The following GSG1L variants were observed in gnomAD, a reference collection of about 807,000 sequenced individuals.
The protein encoded by GSG1L is germ cell-specific gene 1-like protein.
In GSG1L, 24 loss-of-function variants were observed where a neutral mutation model predicts 42.1. That is an observed-to-expected ratio of 0.57 (90% CI 0.41 to 0.80). The LOEUF is 0.80. Among genes scored for constraint, GSG1L ranks in the 30% least tolerant of loss-of-function variants. The probability of loss-of-function intolerance (pLI) is 0.00; values close to 1 mark genes in which losing one functional copy is unlikely to be tolerated. For synonymous variants in GSG1L, 215 were observed against 203.5 expected (o/e 1.06, Z -0.48); for missense variants, 445 against 472.2 (o/e 0.94, Z 0.53).
In GSG1L at chr16:27,789,088, T is replaced by C. The variant is rs1318433984; in HGVS notation, c.*2282A>G. 2 of 151,954 alleles carry C rather than the reference T, an allele frequency of 1.3e-5. No individual in the cohort carries two copies. The allele number at this position is 151,954 out of a possible 1,614,324, so 9.4% of individuals were successfully genotyped here. A position where few individuals can be genotyped will look rare whatever the true frequency, so the allele number is the denominator to read the frequency against. The stretch of plus-strand genomic sequence containing the variant: ...CACATGGAAGGAGGATGGATGGAAG[T>C]CTGATACAAGGAAGGATGACAAGCA... On this transcript the variant is annotated 3_prime_UTR_variant, in exon 7 of 7. Transcript: ENST00000447459.
chr16:28,054,726 T>TTC (rs1279220209), intron 1 of GSG1L, among the ~76,000 whole-genome samples: 1 of 151,970 alleles, frequency 6.6e-6, no homozygotes, highest in Admixed American at 6.6e-5. Context: ...CTCAATCCTG[T>TTC]CAAGAGCAAA....
chr16:27,997,301 G>A (rs904287950), intron 1 of GSG1L, among the ~76,000 whole-genome samples: 2 of 128,368 alleles, frequency 1.6e-5, no homozygotes, highest in African/African-American at 5.7e-5. Flanking sequence ...GCTGGGAAGT[G>A]TTCTCCACTT....
intron 6 of GSG1L, among the ~76,000 whole-genome samples, chr16:27,803,600 T>A (rs930135977): frequency 1.3e-5 from 2 of 151,672 alleles, no homozygotes; most frequent in Admixed American, 6.6e-5. Flanking sequence ...CAGCAGAGGG[T>A]CCTTGAGCTA....
At chr16:27,911,448 A>C (rs963671358) in intron 2 of GSG1L, among the ~76,000 whole-genome samples, 2 of 151,774 alleles carry the variant, frequency 1.3e-5, no homozygotes, top group Non-Finnish European at 2.9e-5. Context: ...CCGCCACCAC[A>C]CCCTGCTGAT....
chr16:28,060,275 CA>C (rs781633325), intron 1 of GSG1L, among the ~76,000 whole-genome samples: 230 of 152,108 alleles, frequency 1.5e-3, no homozygotes, highest in South Asian at 3.5e-3. Flanking sequence ...GTCATGGCAA[CA>C]AAAGTTTGAG....
chr16:28,007,500 TTGGTTGGTTGGTTGG>T (rs557039226), intron 1 of GSG1L, among the ~76,000 whole-genome samples: 4,542 of 96,398 alleles, frequency 0.047, 160 homozygotes, highest in African/African-American at 0.19. Context: ...GGTTGGTTGG[TTGGTTGGTTGGTTGG>T]TGGTTGGTTG....
chr16:27,914,824 C>T (rs1400281211), intron 2 of GSG1L, among the ~76,000 whole-genome samples: 1 of 152,096 alleles, frequency 6.6e-6, no homozygotes. Flanking sequence ...GCTGATAGGT[C>T]AATCCTGCAT....
chr16:27,822,307 G>A (rs115767161), intron 5 of GSG1L, among the ~76,000 whole-genome samples: 2,236 of 152,238 alleles, frequency 0.015, 46 homozygotes, highest in African/African-American at 0.049. Flanking sequence ...TTCTTCAGGC[G>A]TTCCACAAGG....
intron 2 of GSG1L, among the ~76,000 whole-genome samples, chr16:27,914,697 AG>A (rs1299335387): frequency 6.6e-6 from 1 of 151,922 alleles, no homozygotes; most frequent in Non-Finnish European, 1.5e-5. Flanking sequence ...ATAATTTAGG[AG>A]GAATTTTGAA....
Position 28,002,806 on chromosome 16 carries a change from G to A in GSG1L, c.350-39603C>T, listed in dbSNP as rs548845143. On this transcript the variant is annotated intron_variant, in intron 1 of 6. Coordinates refer to ENST00000447459, the MANE Select transcript of GSG1L (RefSeq NM_001109763.2). ...AAAAAAATTAGCCAGGAGTGGTGGCGGGCGCCTGTAGTCCCAGCTACTCGG... is the reference window on the plus strand; with the variant it reads ...AAAAAAATTAGCCAGGAGTGGTGGCAGGCGCCTGTAGTCCCAGCTACTCGG... Among the ~76,000 whole-genome samples, 49 of 149,782 alleles carry A rather than the reference G, an allele frequency of 3.3e-4. No individual in the cohort carries two copies. The East Asian group carries it at 8.0e-3, about 25-fold the overall frequency.
chr16:27,947,390 A>AAGAAAGAAAGAG (rs1567530544), intron 2 of GSG1L, among the ~76,000 whole-genome samples: 1 of 94,010 alleles, frequency 1.1e-5, no homozygotes, highest in Non-Finnish European at 2.2e-5. Context: ...AAGAAAAAGA[A>AAGAAAGAAAGAG]AGAAAGAAAG....
chr16:28,028,683 C>T (rs1308881108), intron 1 of GSG1L, among the ~76,000 whole-genome samples: 1 of 152,076 alleles, frequency 6.6e-6, no homozygotes, highest in Non-Finnish European at 1.5e-5. Context: ...CAGCTTGGTG[C>T]TGATATGTTG....
intron 6 of GSG1L, among the ~76,000 whole-genome samples, chr16:27,793,497 T>TG (rs2082778292): frequency 6.6e-6 from 1 of 151,820 alleles, no homozygotes; most frequent in South Asian, 2.1e-4. Flanking sequence ...TGTTTTGTTT[T>TG]TTTAATCTAG....
intron 2 of GSG1L, among the ~76,000 whole-genome samples, chr16:27,951,727 G>A (rs1463926157): frequency 6.6e-6 from 1 of 152,154 alleles, no homozygotes; most frequent in South Asian, 2.1e-4. Context: ...TCCCCTCTCT[G>A]CTCAGCATGC....
At position 28,032,560 on chromosome 16, in the gene GSG1L, G is replaced by A. The variant is rs139367318; in HGVS notation, c.349+30516C>T. On this transcript the variant is annotated intron_variant, in intron 1 of 6. Transcript: ENST00000447459. The stretch of plus-strand genomic sequence containing the variant: ...CTGAGATGTATTTTGTTCTCTCCCT[G>A]TCTACTTGACATTGCCTCTGGGCTG... Among the ~76,000 whole-genome samples the A allele has an allele frequency of 3.8e-3, 577 of 152,248 alleles. 3 individuals carry two copies. The highest frequency in any genetic ancestry group is 0.013 in the African/African-American group (553 of 41,528).
chr16:28,014,203 T>A (rs1441361034), intron 1 of GSG1L, among the ~76,000 whole-genome samples: 1 of 152,200 alleles, frequency 6.6e-6, no homozygotes, highest in African/African-American at 2.4e-5. Context: ...GAAGACTTCC[T>A]GGAGGAAGAT....
chr16:27,819,630 G>A (rs1435821560), intron 5 of GSG1L, among the ~76,000 whole-genome samples: 1 of 152,224 alleles, frequency 6.6e-6, no homozygotes, highest in Non-Finnish European at 1.5e-5. Flanking sequence ...GCACAGGCCG[G>A]AACATGGCCG....
intron 3 of GSG1L, chr16:27,850,442 G>A (rs1333068159): frequency 2.2e-6 from 1 of 447,580 alleles, no homozygotes; most frequent in Non-Finnish European, 4.5e-6. Context: ...ATCTGCATGC[G>A]AATGATAAAT....
chr16:27,932,942 C>A (rs1442866078), intron 2 of GSG1L, among the ~76,000 whole-genome samples: 1 of 152,118 alleles, frequency 6.6e-6, no homozygotes, highest in Non-Finnish European at 1.5e-5. Flanking sequence ...ACCCGCCCAA[C>A]CTGCAGACTC....
Sources: gnomAD v4.1 joint callset for allele counts (sites outside exome capture counted in the v4.1 genomes callset) on GRCh38, gnomAD v4.1.1 for gene constraint, MANE v1.5 for transcripts, NCBI Gene and HGNC (gene_info 2026-07-23, HGNC 2026-07-21) for gene names.